The following RBFOX1 variants were observed in gnomAD, a reference collection of about 807,000 sequenced individuals.
RBFOX1 encodes the protein RNA binding protein fox-1 homolog 1.
RBFOX1 carries 8 observed loss-of-function variants against 57.7 expected under a neutral mutation model. The observed-to-expected ratio is 0.14, with a 90% CI of 0.08 to 0.25. The LOEUF (loss-of-function observed/expected upper bound fraction) is 0.25, where lower values mean the gene tolerates loss of function less well. Ranked by LOEUF, RBFOX1 falls within the 10% of genes least tolerant of loss-of-function variation. RBFOX1 has a pLI of 1.00. For missense variants in RBFOX1, 611 were observed against 548.5 expected (o/e 1.11, Z -1.14); for synonymous variants, 326 against 222.4 (o/e 1.47, Z -4.15).
intron 2 of RBFOX1, among the ~76,000 whole-genome samples, chr16:5,502,590 G>A (rs11642767): frequency 6.6e-6 from 1 of 152,136 alleles, no homozygotes; most frequent in Non-Finnish European, 1.5e-5. Flanking sequence ...GCAGGGCAGC[G>A]AGAGGGGAGA....
intron 3 of RBFOX1, among the ~76,000 whole-genome samples, chr16:6,815,819 T>G (rs993714005): frequency 6.6e-6 from 1 of 152,220 alleles, no homozygotes; most frequent in Non-Finnish European, 1.5e-5. Flanking sequence ...ATAGTTACTT[T>G]AAGAGGAAAA....
At chr16:5,557,030 C>T (rs1232184524) in intron 2 of RBFOX1, among the ~76,000 whole-genome samples, 1 of 152,110 alleles carries the variant, frequency 6.6e-6, no homozygotes, top group African/African-American at 2.4e-5. Context: ...GAGGCTGAGG[C>T]AGGCGGATCA....
chr16:6,327,027 G>A (rs2082451954), intron 2 of RBFOX1, among the ~76,000 whole-genome samples: 1 of 152,110 alleles, frequency 6.6e-6, no homozygotes, highest in Non-Finnish European at 1.5e-5. Flanking sequence ...CACACAGACA[G>A]CTCTCTGAAG....
intron 1 of RBFOX1, among the ~76,000 whole-genome samples, chr16:5,326,667 A>C (rs1404570875): frequency 6.6e-6 from 1 of 152,234 alleles, no homozygotes; most frequent in Non-Finnish European, 1.5e-5. Context: ...TTTATTTAGC[A>C]GAGGTTATCC....
Position 5,894,901 on chromosome 16 carries a change from A to T in RBFOX1, c.351+27566A>T, listed in dbSNP as rs558410796. 3.9e-5 allele frequency among the ~76,000 whole-genome samples: 6 copies of T among 152,116 alleles called. No individual in the cohort carries two copies. The South Asian group carries it at 1.2e-3, about 32-fold the overall frequency. ...GCTACGCATGGTGGCAGGTGCCTGT[A>T]GTCCCCTTCTACTCTGGAGGCTGAG... On this transcript the variant is annotated intron_variant, in intron 4 of 19. Transcript: ENST00000641259.
intron 4 of RBFOX1, among the ~76,000 whole-genome samples, chr16:7,434,768 C>G (rs1321161361): frequency 6.6e-6 from 1 of 151,262 alleles, no homozygotes. Context: ...GAGATTGAGC[C>G]TCGCTGGATC....
At chr16:6,826,044 G>A (rs1029760630) in intron 3 of RBFOX1, among the ~76,000 whole-genome samples, 29 of 152,112 alleles carry the variant, frequency 1.9e-4, no homozygotes, top group Non-Finnish European at 2.9e-4. Flanking sequence ...TGCAGAGGTG[G>A]TCCACGTTCA....
intron 4 of RBFOX1, among the ~76,000 whole-genome samples, chr16:7,389,057 T>C (rs968753729): frequency 1.3e-5 from 2 of 152,210 alleles, no homozygotes; most frequent in African/African-American, 2.4e-5. Flanking sequence ...TATGGCCATA[T>C]GTAATATGTT....
intron 4 of RBFOX1, among the ~76,000 whole-genome samples, chr16:7,252,413 A>G (rs932381393): frequency 6.6e-6 from 1 of 152,234 alleles, no homozygotes; most frequent in Non-Finnish European, 1.5e-5. Flanking sequence ...TTCAACTGAC[A>G]GTTCCTAGGC....
At chr16:7,140,325 T>G (rs2073421575) in intron 4 of RBFOX1, among the ~76,000 whole-genome samples, 1 of 149,490 alleles carries the variant, frequency 6.7e-6, no homozygotes, top group Admixed American at 6.7e-5. Context: ...GTTATTTTTC[T>G]GACCACACAA....
chr16:6,372,582 A>G (rs1196163584), intron 2 of RBFOX1, among the ~76,000 whole-genome samples: 3 of 151,654 alleles, frequency 2.0e-5, no homozygotes, highest in African/African-American at 7.3e-5. Context: ...GTGGAAGAGT[A>G]GAGTTGGATG....
At chr16:7,062,893 ATTTTTTTTTTTTTTTTTT>A (rs1170936027) in intron 4 of RBFOX1, among the ~76,000 whole-genome samples, 2 of 47,256 alleles carry the variant, frequency 4.2e-5, no homozygotes, top group Non-Finnish European at 7.7e-5. Context: ...AATGATCGCC[ATTTTTTTTTTTTTTTTTT>A]TTTTTTTTTT....
chr16:6,269,553 A>G (rs1229714007), intron 1 of RBFOX1, among the ~76,000 whole-genome samples: 2 of 152,244 alleles, frequency 1.3e-5, no homozygotes, highest in Non-Finnish European at 2.9e-5. Context: ...ATTTCTCATC[A>G]GAAGCCACAG....
intron 11 of RBFOX1, among the ~76,000 whole-genome samples, chr16:7,635,094 G>T (rs751200141): frequency 6.6e-6 from 1 of 152,158 alleles, no homozygotes; most frequent in African/African-American, 2.4e-5. Context: ...TATTGCCAGC[G>T]CTGTTTTGCA....
At chr16:7,259,746 C>G (rs916504451) in intron 4 of RBFOX1, among the ~76,000 whole-genome samples, 1 of 152,046 alleles carries the variant, frequency 6.6e-6, no homozygotes, top group Non-Finnish European at 1.5e-5. Context: ...ATGCCACATG[C>G]TTTATCAATA....
intron 3 of RBFOX1, among the ~76,000 whole-genome samples, chr16:6,785,893 T>C (rs1008475015): frequency 4.6e-5 from 7 of 152,182 alleles, no homozygotes; most frequent in Admixed American, 3.3e-4. Flanking sequence ...AGGCTCCGCT[T>C]AGCATTTACA....
At chr16:5,550,385 G>A (rs1186363365) in intron 2 of RBFOX1, among the ~76,000 whole-genome samples, 2 of 152,166 alleles carry the variant, frequency 1.3e-5, no homozygotes, top group Non-Finnish European at 2.9e-5. Flanking sequence ...TCATTCTTCA[G>A]GGCTGTCGTG....
intron 3 of RBFOX1, among the ~76,000 whole-genome samples, chr16:7,018,297 C>G (rs564957407): frequency 6.6e-6 from 1 of 152,066 alleles, no homozygotes; most frequent in Admixed American, 6.6e-5. Context: ...ATATTTTGGG[C>G]GAGATGTTTA....
intron 5 of RBFOX1, among the ~76,000 whole-genome samples, chr16:7,557,292 C>T (rs1439941543): frequency 1.3e-5 from 2 of 151,912 alleles, no homozygotes; most frequent in African/African-American, 2.4e-5. Context: ...GGAAAAATGA[C>T]CAAAATACAA....
Sources: allele counts gnomAD v4.1 joint callset (sites outside exome capture counted in the v4.1 genomes callset), GRCh38; gene constraint gnomAD v4.1.1; transcripts MANE v1.5; gene names NCBI Gene and HGNC (gene_info 2026-07-23, HGNC 2026-07-21).